Variants in MOSPD1 observed in about 807,000 individuals in gnomAD.
MOSPD1 encodes motile sperm domain containing 1, also known as motile sperm domain-containing protein 1.
A neutral mutation model predicts 16.7 loss-of-function variants in MOSPD1; 5 were observed. The observed-to-expected ratio is 0.30, with a 90% CI of 0.16 to 0.63. The LOEUF (loss-of-function observed/expected upper bound fraction) is 0.63. Ranked by LOEUF, MOSPD1 falls within the 30% of genes least tolerant of loss-of-function variation. MOSPD1 has a pLI of 0.82. For missense variants in MOSPD1, 104 were observed against 153.6 expected (o/e 0.68, Z 1.71); for synonymous variants, 67 against 59.2 (o/e 1.13, Z -0.61).
At chrX:134,889,562 G>A (rs1485122319) in intron 5 of MOSPD1, among the ~76,000 whole-genome samples, 1 of 111,600 alleles carries the variant, frequency 9.0e-6, no homozygotes, top group South Asian at 3.7e-4. Flanking sequence ...TGTATCCCAG[G>A]GCCCTAGGGC....
intron 4 of MOSPD1, among the ~76,000 whole-genome samples, chrX:134,893,948 G>T (rs1190070008): frequency 8.9e-6 from 1 of 111,874 alleles, no homozygotes; most frequent in African/African-American, 3.2e-5. Context: ...AGACACAGCA[G>T]TTCATTAATA....
intron 1 of MOSPD1, among the ~76,000 whole-genome samples, chrX:134,911,001 T>A (rs2148400904): frequency 8.9e-6 from 1 of 112,526 alleles, no homozygotes; most frequent in East Asian, 2.8e-4. Flanking sequence ...GAACCACTGC[T>A]GCAGGCAATA....
At position 134,899,444 on chromosome X, in the gene MOSPD1, T is replaced by A. The variant is rs184675366; in HGVS notation, c.-11A>T. On this transcript the variant is annotated 5_prime_UTR_variant, in exon 2 of 6. Transcript: ENST00000370783. ...TTTTTGTTGATGCATTGGCACTGAA[T>A]CCCCCTTGCTGCAGTTTCTGTTTTT... 177 of 1,151,349 alleles carry A rather than the reference T, an allele frequency of 1.5e-4. 1 individual carries two copies. The African/African-American group carries it at 2.8e-3, about 18-fold the overall frequency. 94.9% of individuals were successfully genotyped at this position (1,151,349 alleles called of 1,213,427 possible).
chrX:134,906,174 CTTTT>C (rs765109385), intron 1 of MOSPD1, among the ~76,000 whole-genome samples: 34 of 56,649 alleles, frequency 6.0e-4, no homozygotes, highest in Non-Finnish European at 9.3e-4. Flanking sequence ...CCATTTATCA[CTTTT>C]TTTTTTTTTT....
At position 134,899,497 on chromosome X, in the gene MOSPD1, C is replaced by T. The variant is rs2082902198; in HGVS notation, c.-64G>A. 4 of 1,038,105 alleles carry T rather than the reference C, an allele frequency of 3.9e-6. No individual in the cohort carries two copies. Among genetic ancestry groups the T allele is most frequent in the Non-Finnish European group, 1.3e-6 (1 of 791,629 alleles). 85.6% of individuals were successfully genotyped at this position (1,038,105 alleles called of 1,213,427 possible). ...AGTCTCAAATCTATTTTGGACTTTT[C>T]TTAGATTCAGTTAAAAACTCCAAAG... On this transcript the variant is annotated 5_prime_UTR_variant, in exon 2 of 6. Transcript: ENST00000370783.
intron 1 of MOSPD1, among the ~76,000 whole-genome samples, chrX:134,903,711 C>CAAAAAAAA (rs772831491): frequency 1.8e-5 from 1 of 54,953 alleles, no homozygotes; most frequent in African/African-American, 7.7e-5. Flanking sequence ...GACTCCATCT[C>CAAAAAAAA]AAAAAAAAAA....
Position 134,914,696 on chromosome X carries a change from C to T in MOSPD1, c.-102+486G>A, listed in dbSNP as rs1395681470. 3.5e-5 allele frequency among the ~76,000 whole-genome samples: 4 copies of T among 112,707 alleles called. No homozygotes were observed. In the East Asian group the frequency reaches 1.1e-3, roughly 32 times the overall value. On this transcript the variant is annotated intron_variant, in intron 1 of 5. Transcript: ENST00000370783. ...CTATCCCGGGACGCCTCGCTCCAACCCTGCCGATTTCCTTCCAGTTGCTCG... is the reference window on the plus strand; with the variant it reads ...CTATCCCGGGACGCCTCGCTCCAACTCTGCCGATTTCCTTCCAGTTGCTCG...
At chrX:134,892,429 G>C (rs1393937399) in intron 4 of MOSPD1, among the ~76,000 whole-genome samples, 1 of 111,851 alleles carries the variant, frequency 8.9e-6, no homozygotes, top group Non-Finnish European at 1.9e-5. Context: ...GGCTGGAGGA[G>C]GAGGATAATG....
chrX:134,914,788 C>T (rs1287348987), intron 1 of MOSPD1, among the ~76,000 whole-genome samples: 1 of 112,665 alleles, frequency 8.9e-6, no homozygotes, highest in Non-Finnish European at 1.9e-5. Context: ...AGTCAACTTC[C>T]CTCCCCCAGC....
At chrX:134,910,475 T>G (rs1380778776) in intron 1 of MOSPD1, among the ~76,000 whole-genome samples, 1 of 111,449 alleles carries the variant, frequency 9.0e-6, no homozygotes, top group Non-Finnish European at 1.9e-5. Context: ...GGCACTGTGC[T>G]AGGGAATATG....
At chrX:134,893,833 C>T (rs943088854) in intron 4 of MOSPD1, among the ~76,000 whole-genome samples, 1 of 111,437 alleles carries the variant, frequency 9.0e-6, no homozygotes, top group Non-Finnish European at 1.9e-5. Flanking sequence ...AATCAATTCC[C>T]AATTGATGGA....
chrX:134,904,973 T>C (rs2082933803), intron 1 of MOSPD1, among the ~76,000 whole-genome samples: 1 of 111,292 alleles, frequency 9.0e-6, no homozygotes, highest in Non-Finnish European at 1.9e-5. Context: ...GAGGAGACTG[T>C]GTAGTTGGAG....
Position 134,889,175 on chromosome X carries a change from T to C in MOSPD1, c.628A>G (p.Ile210Val). The C allele has an allele frequency of 8.4e-7, 1 of 1,196,737 alleles. No individual in the cohort carries two copies. Among genetic ancestry groups the C allele is most frequent in the Non-Finnish European group, 1.1e-6 (1 of 886,647 alleles). Residue 210 changes from isoleucine (I) to valine (V), a missense_variant, in exon 6 of 6, where the codon ATA becomes GTA. Transcript: ENST00000370783. ...GAAATCCTTGCTCATGTTCTAAGTA[T>C]GGCCATTGTGATAAGACCTGAAAGA... ...AYILGLITMAILRT is the reference protein window; with the variant it reads ...AYILGLITMAVLRT
intron 1 of MOSPD1, among the ~76,000 whole-genome samples, chrX:134,913,833 G>A (rs1226466345): frequency 8.9e-6 from 1 of 111,907 alleles, no homozygotes; most frequent in African/African-American, 3.2e-5. Context: ...AAATGCTTCA[G>A]AAACTAGTTT....
At chrX:134,908,122 CAGTT>C (rs2082952337) in intron 1 of MOSPD1, among the ~76,000 whole-genome samples, 2 of 112,389 alleles carry the variant, frequency 1.8e-5, no homozygotes, top group Admixed American at 1.9e-4. Flanking sequence ...TTTGACTTCT[CAGTT>C]AGATTTTAGG....
intron 4 of MOSPD1, among the ~76,000 whole-genome samples, chrX:134,895,609 A>T (rs973313120): frequency 5.4e-5 from 6 of 111,654 alleles, no homozygotes; most frequent in African/African-American, 1.6e-4. Context: ...GAAGTATTTT[A>T]AAAAGGGAAT....
At chrX:134,908,923 A>G (rs1238587175) in intron 1 of MOSPD1, among the ~76,000 whole-genome samples, 1 of 112,061 alleles carries the variant, frequency 8.9e-6, no homozygotes, top group East Asian at 2.8e-4. Context: ...GAGCACTGAA[A>G]CCACTTTCAT....
chrX:134,905,131 G>A (rs1266209628), intron 1 of MOSPD1, among the ~76,000 whole-genome samples: 1 of 110,145 alleles, frequency 9.1e-6, no homozygotes, highest in African/African-American at 3.3e-5. Context: ...AGGTCGATGC[G>A]GGCAGATCAT....
At chrX:134,904,985 T>C (rs1397809960) in intron 1 of MOSPD1, among the ~76,000 whole-genome samples, 1 of 111,415 alleles carries the variant, frequency 9.0e-6, no homozygotes, top group African/African-American at 3.3e-5. Context: ...TAGTTGGAGA[T>C]GGACTGATCT....
Sources: gnomAD v4.1 joint callset for allele counts (sites outside exome capture counted in the v4.1 genomes callset) on GRCh38, gnomAD v4.1.1 for gene constraint, MANE v1.5 for transcripts, NCBI Gene and HGNC (gene_info 2026-07-23, HGNC 2026-07-21) for gene names.